The following PRRC1 variants were observed in gnomAD, a reference collection of about 807,000 sequenced individuals.
The protein encoded by PRRC1 is proline rich coiled-coil 1.
PRRC1 carries 39 observed loss-of-function variants against 40.7 expected under a neutral mutation model. The observed-to-expected ratio is 0.96, with a 90% CI of 0.74 to 1.25. PRRC1 has a LOEUF of 1.25. Among genes scored for constraint, PRRC1 ranks in the 50% most tolerant of loss-of-function variants. The pLI is 0.00. For missense variants in PRRC1, 573 were observed against 548.3 expected, an observed-to-expected ratio of 1.05 and a Z score of -0.45; for synonymous variants, 175 against 193.3, an observed-to-expected ratio of 0.91 and a Z score of 0.79.
intron 6 of PRRC1, among the ~76,000 whole-genome samples, chr5:127,538,527 C>T (rs1479435225): frequency 2.0e-5 from 3 of 151,996 alleles, no homozygotes; most frequent in East Asian, 1.9e-4. Flanking sequence ...GTAATGTATA[C>T]ATTTGCAGCT....
At position 127,524,580 on chromosome 5, in the gene PRRC1, C is replaced by A. The variant is rs995765089; in HGVS notation, c.153C>A (p.Phe51Leu). Residue 51 changes from phenylalanine to leucine, a missense_variant, in exon 3 of 9, where the codon TTC becomes TTA. Coordinates refer to ENST00000296666, the MANE Select transcript of PRRC1 (RefSeq NM_130809.5). ...CAAATGTATCCTCCATGGAGTCCTT[C>A]CCACCACTCGCATACTCTACTCCTC... The part of the protein sequence containing the change: ...SSPNVSSMES[F>L]PPLAYSTPQP... 1.9e-6 allele frequency: 3 copies of A among 1,614,018 alleles called. No homozygotes were observed. In the Admixed American group the frequency reaches 5.0e-5, roughly 27 times the overall value.
rs373811924 is a variant in PRRC1 at position 127,521,115 on chromosome 5, A to G, written c.-20-2345A>G. Among the ~76,000 whole-genome samples the G allele has an allele frequency of 3.9e-5, 6 of 152,336 alleles. No homozygotes were observed. In the South Asian group the frequency reaches 1.0e-3, roughly 26 times the overall value. ...TGAGTTCTGAGATCCTCTCCAAAGA[A>G]CCAGTGTATCAGTATGTTCAGCTCC... is the stretch of plus-strand genomic sequence containing the variant. On this transcript the variant is annotated intron_variant, in intron 1 of 8. Transcript: ENST00000296666.
chr5:127,545,519 A>G (rs1251335876), intron 7 of PRRC1, among the ~76,000 whole-genome samples: 1 of 151,938 alleles, frequency 6.6e-6, no homozygotes, highest in Non-Finnish European at 1.5e-5. Context: ...CATCATTCTC[A>G]GTAAACTATC....
chr5:127,531,814 CATGT>C (rs1334715302), intron 5 of PRRC1, among the ~76,000 whole-genome samples: 1 of 151,404 alleles, frequency 6.6e-6, no homozygotes, highest in African/African-American at 2.4e-5. Flanking sequence ...GGGGTTTCTC[CATGT>C]TGGCCAGGCT....
At chr5:127,522,285 A>T (rs1405155756) in intron 1 of PRRC1, among the ~76,000 whole-genome samples, 2 of 152,220 alleles carry the variant, frequency 1.3e-5, no homozygotes, top group Admixed American at 6.5e-5. Flanking sequence ...TTTTTGCTAT[A>T]GTTAACTTTT....
intron 8 of PRRC1, 36 bp downstream of exon 8, chr5:127,547,957 G>C (rs974067123): frequency 1.5e-6 from 2 of 1,290,432 alleles, no homozygotes; most frequent in African/African-American, 2.9e-5. Flanking sequence ...TTATGCTCCA[G>C]AGAAACTTAC....
chr5:127,542,424 AT>A (rs1768074307), intron 7 of PRRC1, among the ~76,000 whole-genome samples: 1 of 151,984 alleles, frequency 6.6e-6, no homozygotes, highest in African/African-American at 2.4e-5. Flanking sequence ...ATTTCTGGGT[AT>A]CCTTGTTAAC....
intron 7 of PRRC1, among the ~76,000 whole-genome samples, chr5:127,547,295 C>G (rs1768252705): frequency 6.6e-6 from 1 of 152,012 alleles, no homozygotes; most frequent in South Asian, 2.1e-4. Flanking sequence ...CAAAGACTGA[C>G]TCATTGTGAA....
chr5:127,531,135 A>G (rs1458506526), intron 5 of PRRC1, among the ~76,000 whole-genome samples: 1 of 152,236 alleles, frequency 6.6e-6, no homozygotes, highest in East Asian at 1.9e-4. Context: ...TGTCTAGTAA[A>G]TATCAAAAGA....
chr5:127,547,717 A>G (rs1768265495), intron 7 of PRRC1, 102 bp from the exon 8 acceptor site: 1 of 641,802 alleles, frequency 1.6e-6, no homozygotes, highest in East Asian at 2.9e-5. Context: ...CCTTTTTGAA[A>G]TCTGTTCTAT....
At chr5:127,523,225 C>T (rs532461285) in intron 1 of PRRC1, among the ~76,000 whole-genome samples, 2 of 152,192 alleles carry the variant, frequency 1.3e-5, no homozygotes, top group Non-Finnish European at 2.9e-5. Flanking sequence ...AAATTATTTC[C>T]CACTTATAAA....
At chr5:127,523,036 A>G (rs964036112) in intron 1 of PRRC1, among the ~76,000 whole-genome samples, 17 of 151,808 alleles carry the variant, frequency 1.1e-4, no homozygotes, top group African/African-American at 4.1e-4. Context: ...CTTGTCTACA[A>G]CTCCTAGCCT....
Position 127,554,692 on chromosome 5 carries a change from T to G in PRRC1, c.*2776T>G, listed in dbSNP as rs965206708. 1 of 152,618 alleles carries G rather than the reference T, an allele frequency of 6.6e-6. No homozygotes were observed. The highest frequency in any genetic ancestry group is 1.5e-5 in the Non-Finnish European group (1 of 68,034). The allele number at this position is 152,618 out of a possible 1,614,324, so 9.5% of individuals were successfully genotyped here. On this transcript the variant is annotated 3_prime_UTR_variant, in exon 9 of 9. Coordinates refer to ENST00000296666, the MANE Select transcript of PRRC1 (RefSeq NM_130809.5). ...TCTTTATTCCTCTTTCTTCTGAAGATTAATGAAGTTGAAAATTGAGGTGGA... is the reference window on the plus strand; with the variant it reads ...TCTTTATTCCTCTTTCTTCTGAAGAGTAATGAAGTTGAAAATTGAGGTGGA...
chr5:127,519,836 A>G (rs1287784653), intron 1 of PRRC1, among the ~76,000 whole-genome samples: 2 of 152,202 alleles, frequency 1.3e-5, no homozygotes, highest in Non-Finnish European at 2.9e-5. Context: ...ACAGCATGTC[A>G]AAGACTAAAC....
chr5:127,533,161 C>G (rs979624235), intron 5 of PRRC1, among the ~76,000 whole-genome samples: 2 of 151,886 alleles, frequency 1.3e-5, no homozygotes, highest in Non-Finnish European at 2.9e-5. Context: ...GGTGTATGCT[C>G]AGAACATTGT....
intron 4 of PRRC1, among the ~76,000 whole-genome samples, chr5:127,529,402 A>C (rs889639127): frequency 6.6e-6 from 1 of 152,144 alleles, no homozygotes; most frequent in African/African-American, 2.4e-5. Flanking sequence ...TCCCTCGTTA[A>C]GAGCATGTGT....
chr5:127,546,394 C>CT (rs1768223828), intron 7 of PRRC1, among the ~76,000 whole-genome samples: 1 of 152,166 alleles, frequency 6.6e-6, no homozygotes, highest in South Asian at 2.1e-4. Context: ...CACTTGTGGT[C>CT]TGTGTTAGTC....
At position 127,553,711 on chromosome 5, in the gene PRRC1, T is replaced by C. The variant is rs1580958816; in HGVS notation, c.*1795T>C. The C allele has an allele frequency of 7.3e-6, 11 of 1,498,478 alleles. No homozygotes were observed. The East Asian group carries it at 7.5e-5, about 10-fold the overall frequency. 92.8% of individuals were successfully genotyped at this position (1,498,478 alleles called of 1,614,324 possible). A position where few individuals can be genotyped will look rare whatever the true frequency, so the allele number is the denominator to read the frequency against. On this transcript the variant is annotated 3_prime_UTR_variant, in exon 9 of 9. Transcript: ENST00000296666. ...TTCTAAAAATACCTTAATTTTTCTT[T>C]GATTTTTATTTTACCAAGTCACAAA...
intron 7 of PRRC1, among the ~76,000 whole-genome samples, chr5:127,542,497 G>A (rs1174179670): frequency 6.6e-6 from 1 of 151,698 alleles, no homozygotes; most frequent in Non-Finnish European, 1.5e-5. Flanking sequence ...CATTATTATT[G>A]TGTGGGAGTC....
Sources: allele counts gnomAD v4.1 joint callset (sites outside exome capture counted in the v4.1 genomes callset), GRCh38; gene constraint gnomAD v4.1.1; transcripts MANE v1.5; gene names NCBI Gene and HGNC (gene_info 2026-07-23, HGNC 2026-07-21).